The following DAB1 variants were observed in gnomAD, a reference collection of about 807,000 sequenced individuals.
DAB1 encodes disabled homolog 1.
In DAB1, 15 loss-of-function variants were observed where a neutral mutation model predicts 64.6. That is an observed-to-expected ratio of 0.23 (90% confidence interval 0.16 to 0.36). The LOEUF is 0.36. Ranked by LOEUF, DAB1 falls within the 10% of genes least tolerant of loss-of-function variation. DAB1 has a pLI of 1.00. For missense variants in DAB1, 596 were observed against 706.7 expected, an observed-to-expected ratio of 0.84 and a Z score of 1.78; for synonymous variants, 235 against 251.9, an observed-to-expected ratio of 0.93 and a Z score of 0.64.
At chr1:57,259,681 C>T (rs138911190) in intron 2 of DAB1, among the ~76,000 whole-genome samples, 4 of 152,258 alleles carry the variant, frequency 2.6e-5, no homozygotes, top group African/African-American at 9.6e-5. Flanking sequence ...TTATGTGGGT[C>T]ATAGCAAAAC....
chr1:57,995,902 T>G (rs1646417612), intron 5 of DAB1, among the ~76,000 whole-genome samples: 1 of 152,050 alleles, frequency 6.6e-6, no homozygotes, highest in Non-Finnish European at 1.5e-5. Flanking sequence ...CTACTAAATT[T>G]ATTAAGTTGT....
chr1:58,482,570 ATG>A (rs1645506204), intron 3 of DAB1, among the ~76,000 whole-genome samples: 1 of 152,052 alleles, frequency 6.6e-6, no homozygotes, highest in South Asian at 2.1e-4. Flanking sequence ...TCTGATACTG[ATG>A]TGTCTTAAGG....
At chr1:58,258,471 G>T (rs904307148) in intron 4 of DAB1, among the ~76,000 whole-genome samples, 4 of 152,178 alleles carry the variant, frequency 2.6e-5, no homozygotes, top group African/African-American at 9.7e-5. Flanking sequence ...TTCCAGCTCT[G>T]CTGTAAATCA....
intron 1 of DAB1, among the ~76,000 whole-genome samples, chr1:57,382,402 G>A (rs554451745): frequency 3.7e-4 from 56 of 152,190 alleles, no homozygotes; most frequent in Non-Finnish European, 6.2e-4. Context: ...CTCAACAAAC[G>A]TTTATTGAGT....
chr1:57,666,857 A>G (rs1299430931), intron 6 of DAB1, among the ~76,000 whole-genome samples: 1 of 114,978 alleles, frequency 8.7e-6, no homozygotes, highest in Non-Finnish European at 1.7e-5. Flanking sequence ...AAGGAGGGAG[A>G]GGGAGAGGGA....
chr1:57,281,343 G>A (rs777520847), intron 2 of DAB1, among the ~76,000 whole-genome samples: 5 of 152,166 alleles, frequency 3.3e-5, no homozygotes, highest in Non-Finnish European at 5.9e-5. Context: ...CTGGAGAAAA[G>A]TAATCTTTAA....
intron 5 of DAB1, among the ~76,000 whole-genome samples, chr1:58,133,013 A>G (rs1046605799): frequency 6.6e-6 from 1 of 152,130 alleles, no homozygotes; most frequent in Non-Finnish European, 1.5e-5. Context: ...GCATATCTGT[A>G]TTTACATACA....
intron 4 of DAB1, among the ~76,000 whole-genome samples, chr1:57,074,651 T>C (rs1281845224): frequency 3.9e-5 from 6 of 152,172 alleles, no homozygotes; most frequent in Non-Finnish European, 8.8e-5. Context: ...CTCTGACTAC[T>C]CTTAGAACTC....
chr1:58,150,496 A>C (rs1654859469), intron 5 of DAB1: 1 of 152,092 alleles, frequency 6.6e-6, no homozygotes, highest in Admixed American at 6.6e-5. Flanking sequence ...GCATAGATAA[A>C]ATGTGGCAAC....
At chr1:57,502,318 C>CA (rs10649147) in intron 7 of DAB1, among the ~76,000 whole-genome samples, 53,564 of 94,106 alleles carry the variant, frequency 0.57, 16,433 homozygotes, top group East Asian at 0.73. Flanking sequence ...GAGTCCGTCT[C>CA]AAAAAAAAAA....
At chr1:58,534,235 CT>C (rs1439080646) in intron 1 of DAB1, 2 of 871,898 alleles carry the variant, frequency 2.3e-6, no homozygotes, top group Non-Finnish European at 4.0e-6. Flanking sequence ...CCTGGAACAT[CT>C]TTATTGCATT....
At chr1:58,136,150 A>C (rs1331246210) in intron 5 of DAB1, among the ~76,000 whole-genome samples, 1 of 152,222 alleles carries the variant, frequency 6.6e-6, no homozygotes, top group East Asian at 1.9e-4. Context: ...ATTCAGGAGC[A>C]GGTCATCTGA....
intron 6 of DAB1, among the ~76,000 whole-genome samples, chr1:57,736,734 C>G (rs956009059): frequency 1.3e-5 from 2 of 152,126 alleles, no homozygotes; most frequent in African/African-American, 4.8e-5. Flanking sequence ...CCCCTCCCTG[C>G]CTCTCCATCC....
intron 5 of DAB1, among the ~76,000 whole-genome samples, chr1:57,942,109 T>C (rs1645114792): frequency 6.6e-6 from 1 of 152,152 alleles, no homozygotes; most frequent in South Asian, 2.1e-4. Context: ...GCTCCCAGGA[T>C]GCTCTGGGCC....
At chr1:57,544,049 G>A (rs1050460932) in intron 7 of DAB1, among the ~76,000 whole-genome samples, 1 of 152,080 alleles carries the variant, frequency 6.6e-6, no homozygotes, top group Non-Finnish European at 1.5e-5. Flanking sequence ...AGAGTCTGGG[G>A]CTACAGTGAG....
intron 6 of DAB1, among the ~76,000 whole-genome samples, chr1:57,802,534 T>C (rs1244422792): frequency 6.6e-6 from 1 of 152,196 alleles, no homozygotes; most frequent in Non-Finnish European, 1.5e-5. Flanking sequence ...GGTTTGGAAT[T>C]GTGTCCCTGC....
At chr1:57,864,254 G>A (rs987565443) in intron 1 of DAB1, among the ~76,000 whole-genome samples, 1 of 152,126 alleles carries the variant, frequency 6.6e-6, no homozygotes. Context: ...GGGAATTGGG[G>A]GTAATGGTAG....
At chr1:57,867,424 C>T (rs1412710767) in intron 1 of DAB1, 1 of 152,172 alleles carries the variant, frequency 6.6e-6, no homozygotes, top group Non-Finnish European at 1.5e-5. Context: ...GAGACATTGC[C>T]TGAACTGTAT....
intron 9 of DAB1, among the ~76,000 whole-genome samples, chr1:57,047,541 A>T (rs937560600): frequency 6.6e-6 from 1 of 152,144 alleles, no homozygotes; most frequent in Non-Finnish European, 1.5e-5. Context: ...GAAGGGCCGC[A>T]TGAGGACATA....
Sources: allele counts gnomAD v4.1 joint callset (sites outside exome capture counted in the v4.1 genomes callset), GRCh38; gene constraint gnomAD v4.1.1; transcripts MANE v1.5; gene names NCBI Gene and HGNC (gene_info 2026-07-23, HGNC 2026-07-21).